The following CRYBB3 variants were observed in gnomAD, a reference collection of about 807,000 sequenced individuals.
CRYBB3 encodes the protein crystallin beta B3.
Under a neutral mutation model 28.3 loss-of-function variants are expected in CRYBB3, and 35 were observed. The observed-to-expected ratio is 1.24, with a 90% confidence interval of 0.95 to 1.64. CRYBB3 has a LOEUF of 1.64. Among genes scored for constraint, CRYBB3 ranks in the 40% most tolerant of loss-of-function variants. The pLI is 0.00. For missense variants in CRYBB3, 296 were observed against 297.4 expected (o/e 1.00, Z 0.04); for synonymous variants, 106 against 110.4 (o/e 0.96, Z 0.25).
intron 4 of CRYBB3, among the ~76,000 whole-genome samples, chr22:25,204,861 A>C (rs1193356772): frequency 6.6e-6 from 1 of 152,246 alleles, no homozygotes; most frequent in African/African-American, 2.4e-5. Flanking sequence ...TTAAACCGGC[A>C]TCTGGTTAGG....
intron 2 of CRYBB3, among the ~76,000 whole-genome samples, chr22:25,201,703 C>A (rs1025526291): frequency 2.0e-5 from 3 of 151,590 alleles, no homozygotes; most frequent in Non-Finnish European, 4.4e-5. Context: ...CCACATCCTG[C>A]CTGCACCAAT....
chr22:25,201,306 T>C, intron 1 of CRYBB3, 71 bp from the exon 2 acceptor site: 2 of 1,596,258 alleles, frequency 1.3e-6, no homozygotes, highest in Non-Finnish European at 1.7e-6. Context: ...TAGCTCATCC[T>C]GGACTCCAGT....
chr22:25,206,279 C>T (rs899981444), intron 5 of CRYBB3, among the ~76,000 whole-genome samples: 11 of 152,154 alleles, frequency 7.2e-5, no homozygotes, highest in Non-Finnish European at 1.5e-4. Context: ...GTCTGGGGCT[C>T]ACGCCTGTAA....
chr22:25,202,376 G>A lies in CRYBB3; in HGVS notation c.76-298G>A, dbSNP rs921415379. On this transcript the variant is annotated intron_variant, in intron 2 of 5. Coordinates refer to ENST00000215855, the MANE Select transcript of CRYBB3 (RefSeq NM_004076.5). ...GGAACTGGGACCTCATTCCCTCATCGCCAGAAGCAGCTTCATTTCCCCACC... is the reference window on the plus strand; with the variant it reads ...GGAACTGGGACCTCATTCCCTCATCACCAGAAGCAGCTTCATTTCCCCACC... Among the ~76,000 whole-genome samples the A allele has an allele frequency of 3.3e-5, 5 of 152,056 alleles. No individual in the cohort carries two copies. In the East Asian group the frequency reaches 7.7e-4, roughly 23 times the overall value.
At chr22:25,200,489 C>T (rs1209596276) in intron 1 of CRYBB3, among the ~76,000 whole-genome samples, 1 of 152,020 alleles carries the variant, frequency 6.6e-6, no homozygotes, top group Non-Finnish European at 1.5e-5. Context: ...CCTGTGAGCC[C>T]ATGGGTGAAA....
intron 4 of CRYBB3, 61 bp from the exon 5 acceptor site, chr22:25,205,159 G>A (rs998211021): frequency 3.9e-5 from 63 of 1,608,250 alleles, no homozygotes; most frequent in Non-Finnish European, 5.1e-5. Context: ...GGCATCTGGA[G>A]CCTCCTTGAC....
In CRYBB3 at chr22:25,205,210, T is replaced by C. The variant is rs750884242; in HGVS notation, c.328-10T>C. On this transcript the variant is annotated splice_polypyrimidine_tract_variant and intron_variant, in intron 4 of 5. Coordinates refer to ENST00000215855, the MANE Select transcript of CRYBB3 (RefSeq NM_004076.5). The stretch of plus-strand genomic sequence containing the variant: ...GGGAGCAGCCGCTCACCCCACGATA[T>C]TGCCCTCAGGATAGTCCACATCACA... The C allele has an allele frequency of 8.1e-6, 13 of 1,613,810 alleles. No homozygotes were observed. The highest frequency in any genetic ancestry group is 1.0e-5 in the Non-Finnish European group (12 of 1,179,820).
At chr22:25,204,233 A>G (rs1934994671) in intron 4 of CRYBB3, among the ~76,000 whole-genome samples, 2 of 152,250 alleles carry the variant, frequency 1.3e-5, no homozygotes, top group South Asian at 4.1e-4. Context: ...AAATAACTTC[A>G]GAAAGTAGCC....
intron 2 of CRYBB3, 102 bp from the exon 3 acceptor site, chr22:25,202,572 T>G (rs1934965775): frequency 6.3e-7 from 1 of 1,595,356 alleles, no homozygotes; most frequent in Non-Finnish European, 8.5e-7. Context: ...GCTGGAGAGA[T>G]GCAGAAAGCA....
chr22:25,203,999 A>C, intron 4 of CRYBB3, 104 bp downstream of exon 4: 1 of 1,428,596 alleles, frequency 7.0e-7, no homozygotes, highest in Non-Finnish European at 9.8e-7. Context: ...TTTGGCCCAT[A>C]TGGACCTGGC....
chr22:25,199,934 T>A (rs1474251321), intron 1 of CRYBB3, 25 bp downstream of exon 1: 1 of 151,822 alleles, frequency 6.6e-6, no homozygotes, highest in Non-Finnish European at 1.5e-5. Flanking sequence ...GGGTTGGGGG[T>A]GGGGAGGCAA....
chr22:25,205,436 C>G lies in CRYBB3; in HGVS notation c.470+74C>G, dbSNP rs1205911839. Reference sequence around the variant, plus strand: ...CTCTGGCTCCAAACAGAATCAGTGCCCATAGTTTCTTATTATTTTATTTAT... The same window carrying G: ...CTCTGGCTCCAAACAGAATCAGTGCGCATAGTTTCTTATTATTTTATTTAT... On this transcript the variant is annotated intron_variant, in intron 5 of 5. Coordinates refer to ENST00000215855, the MANE Select transcript of CRYBB3 (RefSeq NM_004076.5). 3 of 1,483,580 alleles carry G rather than the reference C, an allele frequency of 2.0e-6. No individual in the cohort carries two copies. In the African/African-American group the frequency reaches 4.3e-5, roughly 21 times the overall value. The allele number at this position is 1,483,580 out of a possible 1,614,324, so 91.9% of individuals were successfully genotyped here. A position where few individuals can be genotyped will look rare whatever the true frequency, so the allele number is the denominator to read the frequency against.
chr22:25,204,678 A>T (rs1220804039), intron 4 of CRYBB3, among the ~76,000 whole-genome samples: 1 of 152,270 alleles, frequency 6.6e-6, no homozygotes, highest in East Asian at 1.9e-4. Context: ...TCGGCCTCCC[A>T]AAGTACTGGG....
In CRYBB3 at chr22:25,203,894, TTG is replaced by T; in HGVS notation, c.327+2_327+3del. 6.2e-7 allele frequency: 1 copy of T among 1,614,160 alleles called. No individual in the cohort carries two copies. The highest frequency in any genetic ancestry group is 8.5e-7 in the Non-Finnish European group (1 of 1,179,996). On this transcript the variant is annotated splice_donor_variant and coding_sequence_variant, in exon 4 of 6. Coordinates refer to ENST00000215855, the MANE Select transcript of CRYBB3 (RefSeq NM_004076.5). LOFTEE classifies it high-confidence loss of function. ...CTTCTGTCCCTCCGGCCTCTGAATA[TTG>T]TGAGTGTGGTTCCTGCTCACTTCTG...
rs900982442 is a variant in CRYBB3 at position 25,207,325 on chromosome 22, C to T, written c.*113C>T. The T allele has an allele frequency of 7.3e-6, 7 of 952,410 alleles. No homozygotes were observed. Among genetic ancestry groups the T allele is most frequent in the Admixed American group, 5.1e-5 (2 of 39,410 alleles). The allele number at this position is 952,410 out of a possible 1,614,324, so 59.0% of individuals were successfully genotyped here. A position where few individuals can be genotyped will look rare whatever the true frequency, so the allele number is the denominator to read the frequency against. On this transcript the variant is annotated 3_prime_UTR_variant, in exon 6 of 6. Coordinates refer to ENST00000215855, the MANE Select transcript of CRYBB3 (RefSeq NM_004076.5). ...CCTGTCCACCCTTCCCTGGAATCTG[C>T]TCAATAAAGCCTGGGGTTGGTCCCC... is the stretch of plus-strand genomic sequence containing the variant.
At position 25,207,087 on chromosome 22, in the gene CRYBB3, T is replaced by C. The variant is rs1372580190; in HGVS notation, c.511T>C (p.Tyr171His). Residue 171 changes from tyrosine (Y) to histidine (H), a missense_variant, in exon 6 of 6, where the codon TAC becomes CAC. By Grantham distance (83) the Tyr-to-His change is moderately conservative (BLOSUM62 2). Transcript: ENST00000215855. ...YEFPGYRGRQ[Y>H]VFERGEYRHW... Reference sequence around the variant, plus strand: ...GTTCCCCGGCTACCGTGGGCGCCAGTACGTGTTTGAGCGGGGCGAGTACCG... The same window carrying C: ...GTTCCCCGGCTACCGTGGGCGCCAGCACGTGTTTGAGCGGGGCGAGTACCG... 6.2e-6 allele frequency: 10 copies of C among 1,613,618 alleles called. No individual in the cohort carries two copies. The highest frequency in any genetic ancestry group is 8.5e-6 in the Non-Finnish European group (10 of 1,179,780).
chr22:25,205,229 C>A lies in CRYBB3; in HGVS notation c.337C>A (p.His113Asn), dbSNP rs9608378. 1.9e-6 allele frequency: 3 copies of A among 1,613,414 alleles called. No individual in the cohort carries two copies. The African/African-American group carries it at 4.0e-5, about 22-fold the overall frequency. Residue 113 changes from histidine (H) to asparagine (N), a missense_variant, in exon 5 of 6, where the codon CAT (histidine) becomes AAT (asparagine). Physicochemically the swap from His to Asn is moderately conservative, Grantham distance 68. Coordinates refer to ENST00000215855, the MANE Select transcript of CRYBB3 (RefSeq NM_004076.5). ...ACGATATTGCCCTCAGGATAGTCCA[C>A]ATCACAAGCTGCATCTGTTTGAGAA... ...SLRPLNIDSPHHKLHLFENPA... is the reference protein window; with the variant it reads ...SLRPLNIDSPNHKLHLFENPA...
intron 1 of CRYBB3, 141 bp from the exon 2 acceptor site, chr22:25,201,236 G>C: frequency 6.7e-7 from 1 of 1,481,622 alleles, no homozygotes; most frequent in Non-Finnish European, 9.1e-7. Flanking sequence ...ATGGATGTTT[G>C]CTGAATGACT....
chr22:25,202,566 G>T (rs946867192), intron 2 of CRYBB3, 108 bp from the exon 3 acceptor site: 8 of 1,591,610 alleles, frequency 5.0e-6, no homozygotes, highest in Non-Finnish European at 6.8e-6. Flanking sequence ...CTCCAGGCTG[G>T]AGAGATGCAG....
Sources: allele counts gnomAD v4.1 joint callset (sites outside exome capture counted in the v4.1 genomes callset), GRCh38; gene constraint gnomAD v4.1.1; transcripts MANE v1.5; gene names NCBI Gene and HGNC (gene_info 2026-07-23, HGNC 2026-07-21).